PIWIL3: variants seen among roughly 807,000 people sequenced by gnomAD.
The protein encoded by PIWIL3 is piwi like RNA-mediated gene silencing 3, also known as piwi-like protein 3.
A neutral mutation model predicts 109.7 loss-of-function variants in PIWIL3; 101 were observed. That is an observed-to-expected ratio of 0.92 (90% CI 0.78 to 1.09). PIWIL3 has a LOEUF of 1.09. Ranked by LOEUF, PIWIL3 falls within the 50% of genes least tolerant of loss-of-function variation. The probability of loss-of-function intolerance (pLI) is 0.00; values close to 1 mark genes in which losing one functional copy is unlikely to be tolerated. For missense variants in PIWIL3, 1,031 were observed against 1,072.6 expected, an observed-to-expected ratio of 0.96 and a Z score of 0.54; for synonymous variants, 373 against 376.4, an observed-to-expected ratio of 0.99 and a Z score of 0.10.
chr22:24,758,173 T>C (rs1051919003), intron 3 of PIWIL3, 134 bp from the exon 4 acceptor site: 25 of 1,098,074 alleles, frequency 2.3e-5, no homozygotes, highest in African/African-American at 6.4e-5. Flanking sequence ...TTCCGTGATA[T>C]GTTGCCGCAA....
At chr22:24,766,834 A>T (rs149257136) in intron 1 of PIWIL3, among the ~76,000 whole-genome samples, 64 of 151,932 alleles carry the variant, frequency 4.2e-4, no homozygotes, top group African/African-American at 1.5e-3. Flanking sequence ...TTCCAGACTC[A>T]GTTGTGCACT....
intron 1 of PIWIL3, among the ~76,000 whole-genome samples, chr22:24,764,207 C>T (rs1278451547): frequency 6.6e-6 from 1 of 152,202 alleles, no homozygotes; most frequent in Non-Finnish European, 1.5e-5. Flanking sequence ...CGAAAGAGGC[C>T]ACGATGAGCT....
At chr22:24,762,999 GTTTT>G (rs901970518) in intron 1 of PIWIL3, among the ~76,000 whole-genome samples, 1 of 151,688 alleles carries the variant, frequency 6.6e-6, no homozygotes, top group Non-Finnish European at 1.5e-5. Context: ...ACCTGGTAAT[GTTTT>G]TTTTCCGTTA....
Position 24,748,898 on chromosome 22 carries a change from C to A in PIWIL3, c.1449+9G>T, listed in dbSNP as rs1924534077. The A allele has an allele frequency of 6.3e-7, 1 of 1,590,926 alleles. No individual in the cohort carries two copies. Among genetic ancestry groups the A allele is most frequent in the Admixed American group, 1.8e-5 (1 of 55,534 alleles). ...CCACCATGACATGATGATTTTGAAA[C>A]TGTCTTACCATTCTTCTGCCTTGCA... On this transcript the variant is annotated intron_variant, in intron 12 of 20. Transcript: ENST00000616349.
At chr22:24,764,367 C>T (rs774701405) in intron 1 of PIWIL3, among the ~76,000 whole-genome samples, 14 of 152,208 alleles carry the variant, frequency 9.2e-5, no homozygotes, top group Non-Finnish European at 5.9e-5. Flanking sequence ...CCCCAGGATG[C>T]AGCCATTACC....
At chr22:24,720,187 G>A (rs755684521) in intron 19 of PIWIL3, among the ~76,000 whole-genome samples, 1 of 148,640 alleles carries the variant, frequency 6.7e-6, no homozygotes, top group Non-Finnish European at 1.5e-5. Context: ...TATGGCCATA[G>A]ATAATTCTAT....
At chr22:24,760,214 C>T (rs1925339882) in intron 2 of PIWIL3, among the ~76,000 whole-genome samples, 1 of 152,084 alleles carries the variant, frequency 6.6e-6, no homozygotes, top group Non-Finnish European at 1.5e-5. Context: ...TCAGGAATTA[C>T]TGGGAAGGTA....
At chr22:24,762,275 G>A in intron 2 of PIWIL3, 123 bp downstream of exon 2, 1 of 1,408,796 alleles carries the variant, frequency 7.1e-7, no homozygotes, top group East Asian at 2.7e-5. Flanking sequence ...CTTTTCTTAT[G>A]AACTTTTATT....
At position 24,719,817 on chromosome 22, in the gene PIWIL3, C is replaced by T. The variant is rs755057734; in HGVS notation, c.2436G>A (p.Thr812=). The change falls in exon 20 of 21, where the codon ACG becomes ACA. Residue 812 remains threonine (T), a synonymous_variant. Coordinates refer to ENST00000616349, the MANE Select transcript of PIWIL3 (RefSeq NM_001255975.1). The part of the protein sequence containing the change: ...TPTHYNVIYD[T]IGLSPDTVQR... ...GTACTGTATCTGGGCTCAAGCCAAT[C>T]GTGTCATAGATGACGTTATAATGAG... is the stretch of plus-strand genomic sequence containing the variant. 10 of 1,611,172 alleles carry T rather than the reference C, an allele frequency of 6.2e-6. No individual in the cohort carries two copies. Among genetic ancestry groups the T allele is most frequent in the East Asian group, 4.5e-5 (2 of 44,866 alleles).
chr22:24,765,241 T>G (rs1260112827), intron 1 of PIWIL3, among the ~76,000 whole-genome samples: 3 of 152,210 alleles, frequency 2.0e-5, no homozygotes, highest in African/African-American at 7.2e-5. Context: ...GTTCTTACAG[T>G]TGGGGTTTTG....
intron 12 of PIWIL3, 63 bp downstream of exon 12, chr22:24,748,834 CTCAAGTTAGT>C: frequency 8.4e-7 from 1 of 1,191,948 alleles, no homozygotes. Context: ...ATTACTGAGA[CTCAAGTTAGT>C]TCCTTTTTGC....
chr22:24,742,773 T>C (rs1924086493), intron 12 of PIWIL3, among the ~76,000 whole-genome samples: 2 of 152,198 alleles, frequency 1.3e-5, no homozygotes, highest in African/African-American at 4.8e-5. Flanking sequence ...GACTTAAATC[T>C]AAGACCTGAA....
At chr22:24,733,097 G>A (rs892630234) in intron 14 of PIWIL3, among the ~76,000 whole-genome samples, 8 of 152,148 alleles carry the variant, frequency 5.3e-5, no homozygotes, top group African/African-American at 1.2e-4. Context: ...GAATGCGTAC[G>A]GCTCACATAA....
At chr22:24,739,793 G>A (rs575861330) in intron 12 of PIWIL3, among the ~76,000 whole-genome samples, 1 of 152,266 alleles carries the variant, frequency 6.6e-6, no homozygotes, top group Admixed American at 6.5e-5. Flanking sequence ...GCTCATGCCT[G>A]TAATCCCAGC....
At chr22:24,722,533 T>A (rs1165886818) in intron 19 of PIWIL3, among the ~76,000 whole-genome samples, 2 of 151,810 alleles carry the variant, frequency 1.3e-5, no homozygotes, top group Non-Finnish European at 2.9e-5. Context: ...GCCAACACGG[T>A]GAAACCCCGT....
chr22:24,728,901 A>AAAAAAAC (rs1040754241), intron 14 of PIWIL3, among the ~76,000 whole-genome samples: 1 of 152,144 alleles, frequency 6.6e-6, no homozygotes, highest in African/African-American at 2.4e-5. Flanking sequence ...AGGAGAAAGG[A>AAAAAAAC]AAAAAACAAA....
chr22:24,724,169 C>G (rs547588023), intron 18 of PIWIL3, among the ~76,000 whole-genome samples: 1 of 152,150 alleles, frequency 6.6e-6, no homozygotes, highest in Non-Finnish European at 1.5e-5. Context: ...GCTCCCCCAC[C>G]CATCCACAAA....
intron 19 of PIWIL3, among the ~76,000 whole-genome samples, chr22:24,721,794 G>A (rs1239861723): frequency 1.3e-5 from 2 of 151,872 alleles, no homozygotes; most frequent in African/African-American, 2.4e-5. Context: ...TATATAGAAT[G>A]TCTCTAACCA....
chr22:24,764,677 G>C (rs929640622), intron 1 of PIWIL3, among the ~76,000 whole-genome samples: 1 of 89,288 alleles, frequency 1.1e-5, no homozygotes, highest in Admixed American at 1.2e-4. Context: ...TGTTGAGACA[G>C]GATCTCTCTC....
Sources: gnomAD v4.1 joint callset for allele counts (sites outside exome capture counted in the v4.1 genomes callset) on GRCh38, gnomAD v4.1.1 for gene constraint, MANE v1.5 for transcripts, NCBI Gene and HGNC (gene_info 2026-07-23, HGNC 2026-07-21) for gene names.